ANO2: variants seen among roughly 807,000 people sequenced by gnomAD.
ANO2 encodes the protein anoctamin-2.
A neutral mutation model predicts 124.2 loss-of-function variants in ANO2; 101 were observed. The ratio of observed to expected loss-of-function variants is 0.81; its 90% confidence interval spans 0.69 to 0.96. The LOEUF is 0.96. ANO2 is among the 40% of genes least tolerant of loss of function. The probability of loss-of-function intolerance (pLI) is 0.00; values close to 1 mark genes in which losing one functional copy is unlikely to be tolerated. For synonymous variants in ANO2, 486 were observed against 482.5 expected (o/e 1.01, Z -0.09); for missense variants, 1,293 against 1,274.5 (o/e 1.01, Z -0.22).
intron 19 of ANO2, among the ~76,000 whole-genome samples, chr12:5,605,026 T>C (rs954261939): frequency 6.6e-6 from 1 of 152,046 alleles, no homozygotes; most frequent in African/African-American, 2.4e-5. Context: ...CCCAGGACCA[T>C]GGTGAGTGTC....
At chr12:5,665,354 C>T (rs251777) in intron 14 of ANO2, among the ~76,000 whole-genome samples, 57,464 of 151,870 alleles carry the variant, frequency 0.38, 11,646 homozygotes, top group African/African-American at 0.49. Flanking sequence ...TCATGCCATC[C>T]ATCTCCGACT....
intron 14 of ANO2, among the ~76,000 whole-genome samples, chr12:5,723,842 C>T (rs1950331485): frequency 6.6e-6 from 1 of 152,082 alleles, no homozygotes; most frequent in African/African-American, 2.4e-5. Context: ...ATGAGAAGGC[C>T]AAGGGGCAGT....
intron 19 of ANO2, among the ~76,000 whole-genome samples, chr12:5,610,030 TATAG>T (rs1287989344): frequency 1.4e-5 from 2 of 138,026 alleles, no homozygotes; most frequent in Non-Finnish European, 3.1e-5. Context: ...ATATTTATAT[TATAG>T]ATAAATATAA....
chr12:5,942,812 C>T (rs1162911013), intron 1 of ANO2, among the ~76,000 whole-genome samples: 2 of 152,158 alleles, frequency 1.3e-5, no homozygotes, highest in Middle Eastern at 3.2e-3. Context: ...GGAGAATAGA[C>T]GTTTCTCAAA....
chr12:5,732,956 G>A, intron 13 of ANO2: 2 of 1,542,902 alleles, frequency 1.3e-6, no homozygotes, highest in Non-Finnish European at 1.8e-6. Context: ...CCAGTGCTTT[G>A]CAGAGCAGTT....
intron 20 of ANO2, among the ~76,000 whole-genome samples, chr12:5,598,384 C>G (rs1943764881): frequency 7.7e-6 from 1 of 130,586 alleles, no homozygotes; most frequent in African/African-American, 2.8e-5. Context: ...TTGAGACAGA[C>G]TCTCATTCTG....
intron 12 of ANO2, among the ~76,000 whole-genome samples, chr12:5,741,474 G>A (rs1337277867): frequency 6.6e-6 from 1 of 152,200 alleles, no homozygotes; most frequent in Non-Finnish European, 1.5e-5. Flanking sequence ...AAGAATGGTA[G>A]TAAGTCCCTC....
intron 8 of ANO2, among the ~76,000 whole-genome samples, chr12:5,806,502 T>C (rs1392169396): frequency 6.6e-6 from 1 of 152,198 alleles, no homozygotes; most frequent in African/African-American, 2.4e-5. Flanking sequence ...AAGACTGCCA[T>C]CCGAAAAATT....
chr12:5,766,119 AC>A (rs1169800776), intron 10 of ANO2, among the ~76,000 whole-genome samples: 3 of 152,218 alleles, frequency 2.0e-5, no homozygotes, highest in African/African-American at 7.2e-5. Flanking sequence ...ATAAACAGGT[AC>A]AGGTATTTTG....
At chr12:5,825,620 C>G (rs1202721983) in intron 7 of ANO2, among the ~76,000 whole-genome samples, 5 of 152,168 alleles carry the variant, frequency 3.3e-5, no homozygotes, top group African/African-American at 1.2e-4. Context: ...CTCCTCCTAC[C>G]TTTAAGTCAA....
chr12:5,911,542 A>G (rs1268179582), intron 3 of ANO2, among the ~76,000 whole-genome samples: 2 of 152,228 alleles, frequency 1.3e-5, no homozygotes, highest in Admixed American at 6.5e-5. Flanking sequence ...GAATGACAGT[A>G]GGAAGCACGG....
intron 3 of ANO2, among the ~76,000 whole-genome samples, chr12:5,906,389 T>C (rs1360963645): frequency 1.3e-5 from 2 of 151,042 alleles, no homozygotes; most frequent in Admixed American, 6.6e-5. Context: ...AGGCCATCCA[T>C]GGTGACTCAC....
chr12:5,771,456 A>G (rs1422781572), intron 10 of ANO2, among the ~76,000 whole-genome samples: 7 of 152,242 alleles, frequency 4.6e-5, no homozygotes, highest in Admixed American at 4.6e-4. Flanking sequence ...TTTTATAAAA[A>G]AATGGAAGAT....
At chr12:5,788,114 C>T (rs1446634351) in intron 10 of ANO2, among the ~76,000 whole-genome samples, 2 of 152,186 alleles carry the variant, frequency 1.3e-5, no homozygotes, top group African/African-American at 4.8e-5. Context: ...CTGTGCTCTG[C>T]TGAGTCTCTG....
intron 10 of ANO2, among the ~76,000 whole-genome samples, chr12:5,762,411 T>G (rs1951767688): frequency 6.6e-6 from 1 of 152,024 alleles, no homozygotes; most frequent in Admixed American, 6.5e-5. Flanking sequence ...TTGAAACTAT[T>G]TACCTCTTAG....
At chr12:5,597,137 G>T (rs887302418) in intron 20 of ANO2, among the ~76,000 whole-genome samples, 1 of 152,058 alleles carries the variant, frequency 6.6e-6, no homozygotes, top group Non-Finnish European at 1.5e-5. Flanking sequence ...GCAAGTGCAG[G>T]TTTGTCACAC....
chr12:5,597,439 T>G (rs1943717854), intron 20 of ANO2, among the ~76,000 whole-genome samples: 2 of 152,220 alleles, frequency 1.3e-5, no homozygotes, highest in South Asian at 4.1e-4. Flanking sequence ...TCATTCTTTT[T>G]CACGGCTGCA....
At chr12:5,706,206 A>T (rs1285151439) in intron 14 of ANO2, among the ~76,000 whole-genome samples, 2 of 152,200 alleles carry the variant, frequency 1.3e-5, no homozygotes, top group East Asian at 3.9e-4. Flanking sequence ...CACCAACAGA[A>T]CAAATACAAT....
chr12:5,579,033 C>T (rs559041546), intron 20 of ANO2, among the ~76,000 whole-genome samples: 166 of 152,354 alleles, frequency 1.1e-3, no homozygotes, highest in Admixed American at 4.0e-3. Flanking sequence ...GTTTGGCCCA[C>T]GGGCCACAGT....
Sources: gnomAD v4.1 joint callset for allele counts (sites outside exome capture counted in the v4.1 genomes callset) on GRCh38, gnomAD v4.1.1 for gene constraint, MANE v1.5 for transcripts, NCBI Gene and HGNC (gene_info 2026-07-23, HGNC 2026-07-21) for gene names.